The following NELL1 variants were observed in gnomAD, a reference collection of about 807,000 sequenced individuals.
The protein encoded by NELL1 is neural EGFL like 1.
Under a neutral mutation model 107.4 loss-of-function variants are expected in NELL1, and 76 were observed. That is an observed-to-expected ratio of 0.71 (90% CI 0.59 to 0.86). NELL1 has a LOEUF of 0.86. Among genes scored for constraint, NELL1 ranks in the 40% least tolerant of loss-of-function variants. NELL1 has a pLI of 0.00. For missense variants in NELL1, 1,024 were observed against 1,005.5 expected, an observed-to-expected ratio of 1.02 and a Z score of -0.25; for synonymous variants, 353 against 341.2, an observed-to-expected ratio of 1.03 and a Z score of -0.38.
intron 1 of NELL1, among the ~76,000 whole-genome samples, chr11:20,671,773 G>T (rs1056869151): frequency 9.0e-6 from 1 of 111,088 alleles, no homozygotes; most frequent in South Asian, 2.9e-4. Context: ...ACAGATTGAT[G>T]GGGGGGGTGG....
intron 15 of NELL1, among the ~76,000 whole-genome samples, chr11:21,460,044 G>A (rs750148244): frequency 3.3e-5 from 5 of 152,108 alleles, no homozygotes; most frequent in Admixed American, 2.6e-4. Flanking sequence ...CTTTATTAAT[G>A]TGGCCAGAGC....
chr11:21,532,750 C>T (rs1856022775), intron 15 of NELL1, among the ~76,000 whole-genome samples: 1 of 152,178 alleles, frequency 6.6e-6, no homozygotes, highest in Non-Finnish European at 1.5e-5. Flanking sequence ...GAGAAGTCAT[C>T]TCTATAATCA....
chr11:21,267,917 C>T (rs1249627947), intron 14 of NELL1, among the ~76,000 whole-genome samples: 1 of 152,110 alleles, frequency 6.6e-6, no homozygotes, highest in Non-Finnish European at 1.5e-5. Context: ...ATGATTTTCT[C>T]CATTCCTTCA....
intron 14 of NELL1, among the ~76,000 whole-genome samples, chr11:21,338,269 G>C (rs16907962): frequency 0.13 from 20,469 of 152,202 alleles, 1,487 homozygotes; most frequent in Non-Finnish European, 0.16. Flanking sequence ...TCAGAGCACT[G>C]TGAGCACATG....
At chr11:21,376,383 C>A (rs866669340) in intron 15 of NELL1, among the ~76,000 whole-genome samples, 6 of 151,948 alleles carry the variant, frequency 3.9e-5, no homozygotes, top group Non-Finnish European at 7.4e-5. Context: ...TTTCTGGGTT[C>A]TCTGTTCTGT....
At chr11:20,751,248 A>G (rs1045329362) in intron 2 of NELL1, among the ~76,000 whole-genome samples, 3 of 151,708 alleles carry the variant, frequency 2.0e-5, no homozygotes, top group African/African-American at 7.3e-5. Context: ...TAAGTTGTCA[A>G]TTTCTTTAAA....
intron 12 of NELL1, among the ~76,000 whole-genome samples, chr11:21,021,149 T>A (rs7126590): frequency 0.33 from 49,323 of 151,722 alleles, 10,081 homozygotes; most frequent in African/African-American, 0.58. Flanking sequence ...ACTGTATTTT[T>A]ATGAACTATA....
At chr11:21,125,808 A>G (rs1002682679) in intron 13 of NELL1, among the ~76,000 whole-genome samples, 1 of 152,218 alleles carries the variant, frequency 6.6e-6, no homozygotes. Context: ...TTGATCTACA[A>G]TGTGAACTGG....
chr11:20,943,321 C>T (rs546475059), intron 10 of NELL1, among the ~76,000 whole-genome samples: 3 of 151,980 alleles, frequency 2.0e-5, no homozygotes, highest in Admixed American at 1.3e-4. Flanking sequence ...TTATCTCGGC[C>T]GGGCATGCGG....
chr11:21,292,522 C>T (rs1368640486), intron 14 of NELL1, among the ~76,000 whole-genome samples: 2 of 152,090 alleles, frequency 1.3e-5, no homozygotes, highest in Non-Finnish European at 2.9e-5. Context: ...TTTATAGATT[C>T]AATGCTCTCC....
intron 14 of NELL1, among the ~76,000 whole-genome samples, chr11:21,330,234 T>C (rs1485034391): frequency 6.6e-6 from 1 of 152,160 alleles, no homozygotes; most frequent in African/African-American, 2.4e-5. Flanking sequence ...TATTATGCAA[T>C]TCCATTTAAA....
At chr11:20,926,944 C>CG in intron 7 of NELL1, 1 of 168,980 alleles carries the variant, frequency 5.9e-6, no homozygotes, top group Admixed American at 6.2e-5. Flanking sequence ...CCTCGGAGTT[C>CG]CTGATTAGAT....
At chr11:21,024,096 T>C (rs1852760711) in intron 12 of NELL1, among the ~76,000 whole-genome samples, 1 of 152,016 alleles carries the variant, frequency 6.6e-6, no homozygotes, top group South Asian at 2.1e-4. Context: ...CTATTCTTTA[T>C]AGAGAAGAAA....
Position 21,569,455 on chromosome 11 carries a change from T to TATGATGATGATG in NELL1, c.1981-1282_1981-1271dup, listed in dbSNP as rs147067365. Among the ~76,000 whole-genome samples, 365 of 149,774 alleles carry TATGATGATGATG rather than the reference T, an allele frequency of 2.4e-3. 1 individual carries two copies. Among genetic ancestry groups the TATGATGATGATG allele is most frequent in the African/African-American group, 8.5e-3 (345 of 40,812 alleles). On this transcript the variant is annotated intron_variant, in intron 17 of 19. Transcript: ENST00000357134. ...GATAAGTATTAAATACATGGTAGAA[T>TATGATGATGATG]ATGATGATGATGATGATGATGATGA... is the stretch of plus-strand genomic sequence containing the variant.
chr11:20,778,665 A>G (rs925896499), intron 2 of NELL1, among the ~76,000 whole-genome samples: 4 of 152,132 alleles, frequency 2.6e-5, no homozygotes, highest in African/African-American at 9.7e-5. Flanking sequence ...AAACCTGAGC[A>G]TTTGGAACGC....
intron 14 of NELL1, among the ~76,000 whole-genome samples, chr11:21,307,474 G>A (rs180753921): frequency 2.0e-4 from 30 of 151,714 alleles, no homozygotes; most frequent in African/African-American, 4.1e-4. Context: ...CATATTTACC[G>A]GTACACTCAC....
intron 3 of NELL1, among the ~76,000 whole-genome samples, chr11:20,833,467 A>G: frequency 6.6e-6 from 1 of 152,300 alleles, no homozygotes; most frequent in South Asian, 2.1e-4. Flanking sequence ...AGATATTACT[A>G]TATTTATTCA....
At chr11:21,091,044 C>T (rs1021616721) in intron 12 of NELL1, among the ~76,000 whole-genome samples, 3 of 152,142 alleles carry the variant, frequency 2.0e-5, no homozygotes, top group African/African-American at 7.2e-5. Context: ...GATGAATACA[C>T]ATTTTCTGGC....
chr11:21,102,290 G>A (rs1260065316), intron 12 of NELL1, among the ~76,000 whole-genome samples: 1 of 152,132 alleles, frequency 6.6e-6, no homozygotes, highest in Non-Finnish European at 1.5e-5. Context: ...ATGGCCCTTT[G>A]GGGAACCACA....
Sources: allele counts gnomAD v4.1 joint callset (sites outside exome capture counted in the v4.1 genomes callset), GRCh38; gene constraint gnomAD v4.1.1; transcripts MANE v1.5; gene names NCBI Gene and HGNC (gene_info 2026-07-23, HGNC 2026-07-21).